Variants in DZIP1L observed in about 807,000 individuals in gnomAD.
The protein encoded by DZIP1L is cilium assembly protein DZIP1L.
DZIP1L carries 90 observed loss-of-function variants against 88.7 expected under a neutral mutation model. The ratio of observed to expected loss-of-function variants is 1.02; its 90% CI spans 0.86 to 1.21. The LOEUF is 1.21. Ranked by LOEUF, DZIP1L falls within the 50% of genes most tolerant of loss-of-function variation. The pLI is 0.00. For missense variants in DZIP1L, 932 were observed against 955.8 expected, an observed-to-expected ratio of 0.98 and a Z score of 0.33; for synonymous variants, 363 against 372.1, an observed-to-expected ratio of 0.98 and a Z score of 0.28.
intron 1 of DZIP1L, among the ~76,000 whole-genome samples, chr3:138,114,969 A>G (rs1208350153): frequency 1.3e-5 from 2 of 152,084 alleles, no homozygotes; most frequent in East Asian, 3.9e-4. Flanking sequence ...AGCCCTCCCA[A>G]ATCACTTTTC....
At chr3:138,090,902 GAGA>G (rs1298478079) in intron 5 of DZIP1L, among the ~76,000 whole-genome samples, 4 of 127,040 alleles carry the variant, frequency 3.1e-5, no homozygotes, top group Admixed American at 8.0e-5. Context: ...TTTTTTTTTT[GAGA>G]AGGAGTCTCA....
intron 2 of DZIP1L, among the ~76,000 whole-genome samples, chr3:138,100,027 A>G (rs1184758492): frequency 6.8e-6 from 1 of 146,402 alleles, no homozygotes; most frequent in Non-Finnish European, 1.5e-5. Context: ...ACCAACCCCC[A>G]TCCTTTTTTT....
At chr3:138,080,258 G>A in intron 10 of DZIP1L, 2 of 267,136 alleles carry the variant, frequency 7.5e-6, no homozygotes, top group East Asian at 7.9e-5. Flanking sequence ...AGTCAGTAGG[G>A]CAGGCTGTGA....
At position 138,103,572 on chromosome 3, in the gene DZIP1L, C is replaced by T. The variant is rs1463026820; in HGVS notation, c.400G>A (p.Asp134Asn). Reference sequence around the variant, plus strand: ...TCCTCCCGCACACCCTTGAGCTCGTCAGCCTGGCGTCCCAGCTCCTGCTGA... The same window carrying T: ...TCCTCCCGCACACCCTTGAGCTCGTTAGCCTGGCGTCCCAGCTCCTGCTGA... ...RGQQELGRQA[D>N]ELKGVREESR... Residue 134 changes from aspartate (D) to asparagine (N), a missense_variant, in exon 2 of 16, where the codon GAC (aspartate) becomes AAC (asparagine). By Grantham distance (23) the Asp-to-Asn change is conservative (BLOSUM62 1). Transcript: ENST00000327532. 3 of 1,608,106 alleles carry T rather than the reference C, an allele frequency of 1.9e-6. No homozygotes were observed. Among genetic ancestry groups the T allele is most frequent in the African/African-American group, 2.7e-5 (2 of 74,928 alleles).
intron 1 of DZIP1L, among the ~76,000 whole-genome samples, chr3:138,114,767 C>T (rs1034962980): frequency 6.6e-6 from 1 of 152,128 alleles, no homozygotes; most frequent in Non-Finnish European, 1.5e-5. Flanking sequence ...GCCTCCTGAT[C>T]CCTGTCCTGC....
At position 138,088,452 on chromosome 3, in the gene DZIP1L, C is replaced by T. The variant is rs1271901847; in HGVS notation, c.926G>A (p.Arg309Gln). The change falls in exon 6 of 16, where the codon CGA (arginine) becomes CAA (glutamine). Residue 309 changes from arginine (R) to glutamine (Q), a missense_variant. Physicochemically the swap from Arg to Gln is conservative, Grantham distance 43 (BLOSUM62 1). Transcript: ENST00000327532. ...AAGCCACTCCTCTGACTCCTCATCT[C>T]GCAGTGATCCCAGCTTGGACTCCAT... ...SVMESKLGSL[R>Q]DEESEEWLRQ... 3 of 1,614,080 alleles carry T rather than the reference C, an allele frequency of 1.9e-6. No homozygotes were observed. The highest frequency in any genetic ancestry group is 1.1e-5 in the South Asian group (1 of 91,060).
At chr3:138,081,840 C>G in intron 8 of DZIP1L, 76 bp from the exon 9 acceptor site, 1 of 1,511,978 alleles carries the variant, frequency 6.6e-7, no homozygotes, top group Non-Finnish European at 9.1e-7. Context: ...CAGTGTCTGC[C>G]TAGCACAGTG....
intron 1 of DZIP1L, among the ~76,000 whole-genome samples, chr3:138,111,743 C>G (rs2107873269): frequency 6.6e-6 from 1 of 152,244 alleles, no homozygotes; most frequent in Non-Finnish European, 1.5e-5. Context: ...ACCTGTAATC[C>G]CAGCACTTTG....
intron 2 of DZIP1L, among the ~76,000 whole-genome samples, chr3:138,101,075 T>A (rs1247001060): frequency 6.6e-6 from 1 of 152,100 alleles, no homozygotes; most frequent in Non-Finnish European, 1.5e-5. Flanking sequence ...TATATAAATA[T>A]GCACGCACTC....
intron 6 of DZIP1L, 104 bp from the exon 7 acceptor site, chr3:138,087,127 G>C (rs997942332): frequency 8.2e-6 from 8 of 973,950 alleles, no homozygotes; most frequent in Non-Finnish European, 1.2e-5. Flanking sequence ...GGCAGACAGA[G>C]TAGTGGAATA....
intron 8 of DZIP1L, among the ~76,000 whole-genome samples, chr3:138,083,672 C>T (rs889914813): frequency 5.9e-5 from 9 of 152,252 alleles, no homozygotes; most frequent in Non-Finnish European, 1.3e-4. Flanking sequence ...TTGCGTTCTT[C>T]CTGCCTGGCC....
At position 138,071,748 on chromosome 3, in the gene DZIP1L, C is replaced by T; in HGVS notation, c.1510G>A (p.Glu504Lys). The change falls in exon 12 of 16, where the codon GAA becomes AAA. Residue 504 changes from glutamate (E) to lysine (K), a missense_variant. By Grantham distance (56) the Glu-to-Lys change is moderately conservative (BLOSUM62 1). Transcript: ENST00000327532. ...QREQKARKFS[E>K]FLSLRGKLVK... is the part of the protein sequence containing the mutation. ...AGCTTTCCCCTCAGACTCAGAAATT[C>T]AGAAAACTTCCGGGCCTTCTGCTCC... The T allele has an allele frequency of 6.2e-7, 1 of 1,614,188 alleles. No individual in the cohort carries two copies. Among genetic ancestry groups the T allele is most frequent in the East Asian group, 2.2e-5 (1 of 44,876 alleles).
chr3:138,081,449 GC>G (rs1943645706), intron 9 of DZIP1L, among the ~76,000 whole-genome samples: 1 of 152,128 alleles, frequency 6.6e-6, no homozygotes, highest in Admixed American at 6.5e-5. Flanking sequence ...AATTAGAAAA[GC>G]CTTCTCATGA....
In DZIP1L at chr3:138,062,680, C is replaced by T. The variant is rs918128253; in HGVS notation, c.*136G>A. ...GGAGGGATGAGATCATATCCATTCCCTGCACTGCTTCTCTCCAAGAGGATG... is the reference window on the plus strand; with the variant it reads ...GGAGGGATGAGATCATATCCATTCCTTGCACTGCTTCTCTCCAAGAGGATG... On this transcript the variant is annotated 3_prime_UTR_variant, in exon 16 of 16. Transcript: ENST00000327532. The T allele has an allele frequency of 5.7e-6, 6 of 1,059,210 alleles. No individual in the cohort carries two copies. Among genetic ancestry groups the T allele is most frequent in the Middle Eastern group, 3.2e-4 (1 of 3,080 alleles). 65.6% of individuals were successfully genotyped at this position (1,059,210 alleles called of 1,614,324 possible).
chr3:138,070,654 C>G (rs1187940627), intron 12 of DZIP1L, among the ~76,000 whole-genome samples: 1 of 152,182 alleles, frequency 6.6e-6, no homozygotes, highest in African/African-American at 2.4e-5. Flanking sequence ...GATGTAGCAA[C>G]TAAAATCATC....
At chr3:138,074,149 A>G (rs188161035) in intron 11 of DZIP1L, among the ~76,000 whole-genome samples, 35 of 152,368 alleles carry the variant, frequency 2.3e-4, no homozygotes, top group African/African-American at 7.5e-4. Flanking sequence ...GGAATAATTG[A>G]GGAAAACTTC....
chr3:138,071,649 G>C lies in DZIP1L; in HGVS notation c.1609C>G (p.Pro537Ala). 1.2e-6 allele frequency: 2 copies of C among 1,612,472 alleles called. No homozygotes were observed. Among genetic ancestry groups the C allele is most frequent in the South Asian group, 1.1e-5 (1 of 90,844 alleles). The change falls in exon 12 of 16, where the codon CCT becomes GCT. Residue 537 changes from proline (P) to alanine (A), a missense_variant. Coordinates refer to ENST00000327532, the MANE Select transcript of DZIP1L (RefSeq NM_173543.3). ...GAVVSQPDGQ[P>A]SVKSQQSTLV... ...AGCCCTCTCCCCAGTGTACCTGAAGGCTGCCCGTCTGGCTGGGACACCACA... is the reference window on the plus strand; with the variant it reads ...AGCCCTCTCCCCAGTGTACCTGAAGCCTGCCCGTCTGGCTGGGACACCACA...
intron 2 of DZIP1L, chr3:138,102,259 C>T (rs756871715): frequency 4.9e-6 from 7 of 1,438,392 alleles, no homozygotes; most frequent in African/African-American, 4.2e-5. Flanking sequence ...AAGTTGATCT[C>T]GTCAGTCAGC....
Position 138,077,524 on chromosome 3 carries a change from T to C in DZIP1L, c.1397A>G (p.Lys466Arg). The change falls in exon 11 of 16, where the codon AAG (lysine) becomes AGG (arginine). Residue 466 changes from lysine (K) to arginine (R), a missense_variant. Lys to Arg is a conservative substitution (Grantham distance 26, BLOSUM62 2). Transcript: ENST00000327532. The stretch of plus-strand genomic sequence containing the variant: ...CTTCCTTATCCCCATGCTTTCGAGC[T>C]TCTCTTCCAGGGTGTCCTCCAGGAT... ...RPILEDTLEE[K>R]LESMGIRKDA... 1 of 1,614,208 alleles carries C rather than the reference T, an allele frequency of 6.2e-7. No homozygotes were observed. Among genetic ancestry groups the C allele is most frequent in the African/African-American group, 1.3e-5 (1 of 75,052 alleles).
Sources: allele counts gnomAD v4.1 joint callset (sites outside exome capture counted in the v4.1 genomes callset), GRCh38; gene constraint gnomAD v4.1.1; transcripts MANE v1.5; gene names NCBI Gene and HGNC (gene_info 2026-07-23, HGNC 2026-07-21).